Variants in ANKRD11 observed in about 807,000 individuals in gnomAD.
ANKRD11 encodes ankyrin repeat domain-containing protein 11.
A neutral mutation model predicts 195.7 loss-of-function variants in ANKRD11; 17 were observed. The observed-to-expected ratio is 0.09, with a 90% CI of 0.06 to 0.13. The LOEUF is 0.13. Among genes scored for constraint, ANKRD11 ranks in the 10% least tolerant of loss-of-function variants. The probability of loss-of-function intolerance (pLI) is 1.00; values close to 1 mark genes in which losing one functional copy is unlikely to be tolerated. For missense variants in ANKRD11, 3,735 were observed against 3,566.1 expected (o/e 1.05, Z -1.21); for synonymous variants, 1,953 against 1,528.1 (o/e 1.28, Z -6.49).
At chr16:89,380,723 G>T (rs1336427986) in intron 2 of ANKRD11, among the ~76,000 whole-genome samples, 1 of 152,248 alleles carries the variant, frequency 6.6e-6, no homozygotes, top group African/African-American at 2.4e-5. Flanking sequence ...CCAGGGAAGA[G>T]AAGTGAGCAA....
intron 2 of ANKRD11, among the ~76,000 whole-genome samples, chr16:89,359,476 C>A (rs1490774406): frequency 6.6e-6 from 1 of 152,350 alleles, no homozygotes; most frequent in South Asian, 2.1e-4. Flanking sequence ...CCTCGGCCCC[C>A]ACTGCTTCGG....
chr16:89,314,521 C>A (rs1249618974), intron 3 of ANKRD11, among the ~76,000 whole-genome samples: 1 of 152,216 alleles, frequency 6.6e-6, no homozygotes, highest in Non-Finnish European at 1.5e-5. Context: ...ACACGACCTG[C>A]TCTCTGTGGC....
intron 4 of ANKRD11, among the ~76,000 whole-genome samples, chr16:89,294,766 TG>T: frequency 6.6e-6 from 1 of 151,928 alleles, no homozygotes; most frequent in African/African-American, 2.4e-5. Flanking sequence ...GGTCCCGCAC[TG>T]CCTGCCTGCC....
intron 3 of ANKRD11, 92 bp downstream of exon 3, chr16:89,316,841 G>A (rs2036987422): frequency 2.1e-5 from 30 of 1,456,984 alleles, no homozygotes; most frequent in East Asian, 4.9e-5. Flanking sequence ...GCCGGAGGGC[G>A]GAGAACAGGC....
At chr16:89,461,364 T>G (rs890460192) in intron 1 of ANKRD11, among the ~76,000 whole-genome samples, 1 of 151,850 alleles carries the variant, frequency 6.6e-6, no homozygotes. Flanking sequence ...GGTGATGGCT[T>G]TGCACCGTGT....
chr16:89,286,966 G>A, intron 7 of ANKRD11: 3 of 1,289,744 alleles, frequency 2.3e-6, no homozygotes, highest in Non-Finnish European at 2.0e-6. Context: ...CAGTTCGTGT[G>A]TGACATGTTC....
chr16:89,416,447 C>T (rs2042314519), intron 2 of ANKRD11, among the ~76,000 whole-genome samples: 1 of 152,066 alleles, frequency 6.6e-6, no homozygotes, highest in Non-Finnish European at 1.5e-5. Context: ...CACAGGCATT[C>T]GCCACCACGT....
chr16:89,392,194 T>G lies in ANKRD11; in HGVS notation c.-60+26090A>C, dbSNP rs137949292. 5.3e-3 allele frequency among the ~76,000 whole-genome samples: 812 copies of G among 152,348 alleles called. 7 individuals are homozygous for G. The highest frequency in any genetic ancestry group is 0.018 in the African/African-American group (755 of 41,574). Reference sequence around the variant, plus strand: ...TTATAAATGACCCTGGTCTCCTTCATTCGGTGTACTCTCGTGGCAAAACTG... The same window carrying G: ...TTATAAATGACCCTGGTCTCCTTCAGTCGGTGTACTCTCGTGGCAAAACTG... On this transcript the variant is annotated intron_variant, in intron 2 of 12. Coordinates refer to ENST00000301030, the MANE Select transcript of ANKRD11 (RefSeq NM_013275.6).
At chr16:89,421,624 C>A (rs1331904748) in intron 1 of ANKRD11, among the ~76,000 whole-genome samples, 1 of 92,130 alleles carries the variant, frequency 1.1e-5, no homozygotes, top group African/African-American at 5.3e-5. Flanking sequence ...GACCATCACC[C>A]GTCCATGTCT....
intron 9 of ANKRD11, 114 bp downstream of exon 9, chr16:89,278,958 G>A (rs1385646490): frequency 2.0e-6 from 3 of 1,496,018 alleles, no homozygotes; most frequent in African/African-American, 1.4e-5. Context: ...GCAGAAGGTC[G>A]AGAGAGGTCA....
intron 12 of ANKRD11, chr16:89,270,492 A>C: frequency 2.4e-6 from 1 of 412,704 alleles, no homozygotes; most frequent in Non-Finnish European, 4.6e-6. Flanking sequence ...AGAGCAGTGG[A>C]GGGTGAATGC....
chr16:89,289,522 G>C (rs907990119), intron 6 of ANKRD11, among the ~76,000 whole-genome samples: 4 of 152,164 alleles, frequency 2.6e-5, no homozygotes, highest in African/African-American at 9.7e-5. Context: ...ATCAGGTCTG[G>C]GGAGGCTCGC....
chr16:89,281,954 G>C lies in ANKRD11; in HGVS notation c.4588C>G (p.Leu1530Val). The C allele has an allele frequency of 6.2e-7, 1 of 1,612,706 alleles. No homozygotes were observed. The highest frequency in any genetic ancestry group is 2.2e-5 in the East Asian group (1 of 44,870). Residue 1530 changes from leucine to valine, a missense_variant, in exon 9 of 13, where the codon CTG (leucine) becomes GTG (valine). Physicochemically the swap from Leu to Val is conservative, Grantham distance 32 (BLOSUM62 1). Transcript: ENST00000301030. This position sits in a 1 kb window ranked among gnomAD's most constrained non-coding sequence, Gnocchi z 5.5. ...DEGPRLGDAKLKEKFKDGAEK... is the reference protein window; with the variant it reads ...DEGPRLGDAKVKEKFKDGAEK... ...GCACCGTCCTTGAATTTCTCCTTCA[G>C]TTTGGCATCGCCGAGCCTCGGGCCC...
intron 2 of ANKRD11, among the ~76,000 whole-genome samples, chr16:89,332,020 C>T (rs2038094145): frequency 6.6e-6 from 1 of 152,098 alleles, no homozygotes; most frequent in Non-Finnish European, 1.5e-5. Flanking sequence ...CATGCAGTGG[C>T]TGATGCCTCT....
In ANKRD11 at chr16:89,280,870, G is replaced by A. The variant is rs763015116; in HGVS notation, c.5672C>T (p.Ser1891Phe). The A allele has an allele frequency of 8.1e-6, 13 of 1,604,908 alleles. No homozygotes were observed. Among genetic ancestry groups the A allele is most frequent in the South Asian group, 1.1e-5 (1 of 90,630 alleles). ...CAGCAGCTCGGCTCTGGGGGAAGGG[G>A]AAGGTTTTGCTTGTAAACTTGAGAA... is the stretch of plus-strand genomic sequence containing the variant. ...GVFSSLQAKP[S>F]PSPRAELLVP... The change falls in exon 9 of 13, where the codon TCC (serine) becomes TTC (phenylalanine). Residue 1891 changes from serine (S) to phenylalanine (F), a missense_variant. Transcript: ENST00000301030.
At chr16:89,447,257 C>T (rs773930026) in intron 1 of ANKRD11, among the ~76,000 whole-genome samples, 27 of 152,166 alleles carry the variant, frequency 1.8e-4, no homozygotes, top group Non-Finnish European at 3.7e-4. Context: ...TCCTTGCCCT[C>T]ATTAAACTCC....
chr16:89,446,020 A>G (rs1274093447), intron 1 of ANKRD11, among the ~76,000 whole-genome samples: 1 of 151,300 alleles, frequency 6.6e-6, no homozygotes, highest in African/African-American at 2.4e-5. Flanking sequence ...AAAAAAAAAA[A>G]CCAGCCTAGT....
At chr16:89,483,075 A>C (rs1008217523) in intron 1 of ANKRD11, among the ~76,000 whole-genome samples, 1 of 152,208 alleles carries the variant, frequency 6.6e-6, no homozygotes, top group Non-Finnish European at 1.5e-5. Context: ...CACTGACACA[A>C]GTCCCAGCAC....
In ANKRD11 at chr16:89,323,217, G is replaced by A; in HGVS notation, c.-59-6139C>T. The A allele has an allele frequency of 9.2e-6, 9 of 974,156 alleles. No individual in the cohort carries two copies. The South Asian group carries it at 1.2e-4, about 13-fold the overall frequency. 60.3% of individuals were successfully genotyped at this position (974,156 alleles called of 1,614,324 possible). On this transcript the variant is annotated intron_variant, in intron 2 of 12. Transcript: ENST00000301030. ...GGGAGAGAAGTCTCCAACGGACTGA[G>A]CGGAGGAAAAAAGAAAAAAGGAGAA... is the stretch of plus-strand genomic sequence containing the variant.
Sources: gnomAD v4.1 joint callset for allele counts (sites outside exome capture counted in the v4.1 genomes callset) on GRCh38, gnomAD v4.1.1 for gene constraint, Gnocchi (gnomAD v3.1) non-coding constraint, MANE v1.5 for transcripts, NCBI Gene and HGNC (gene_info 2026-07-23, HGNC 2026-07-21) for gene names.